Variants in AP4E1 observed in about 807,000 individuals in gnomAD.
AP4E1 encodes the protein adaptor related protein complex 4 subunit epsilon 1, also known as AP-4 complex subunit epsilon-1.
Under a neutral mutation model 128.2 loss-of-function variants are expected in AP4E1, and 56 were observed. The ratio of observed to expected loss-of-function variants is 0.44; its 90% CI spans 0.35 to 0.55. The LOEUF (loss-of-function observed/expected upper bound fraction) is 0.55, where lower values mean the gene tolerates loss of function less well. Ranked by LOEUF, AP4E1 falls within the 20% of genes least tolerant of loss-of-function variation. The pLI is 0.00. For synonymous variants in AP4E1, 484 were observed against 473.1 expected (o/e 1.02, Z -0.30); for missense variants, 1,324 against 1,307.7 (o/e 1.01, Z -0.19).
intron 14 of AP4E1, 143 bp from the exon 15 acceptor site, chr15:50,968,120 G>A: frequency 1.6e-6 from 1 of 616,434 alleles, no homozygotes; most frequent in East Asian, 3.0e-5. Flanking sequence ...ATGCCTGGCT[G>A]TGGTAGCATT....
In AP4E1 at chr15:51,002,777, T is replaced by A; in HGVS notation, c.*115T>A. The A allele has an allele frequency of 7.6e-7, 1 of 1,313,256 alleles. No homozygotes were observed. The allele number at this position is 1,313,256 out of a possible 1,614,324, so 81.4% of individuals were successfully genotyped here. A position where few individuals can be genotyped will look rare whatever the true frequency, so the allele number is the denominator to read the frequency against. ...TAATGAAAATGGGGATTATTACAAG[T>A]GTGGTTTATATGTTTTCTTTGTGAT... On this transcript the variant is annotated 3_prime_UTR_variant, in exon 21 of 21. Coordinates refer to ENST00000261842, the MANE Select transcript of AP4E1 (RefSeq NM_007347.5).
intron 15 of AP4E1, among the ~76,000 whole-genome samples, chr15:50,978,033 A>G (rs934657553): frequency 6.6e-6 from 1 of 152,174 alleles, no homozygotes; most frequent in African/African-American, 2.4e-5. Context: ...CTGATTTCAG[A>G]TTTCTGTAAT....
In AP4E1 at chr15:50,958,842, CAG is replaced by C. The variant is rs749765396; in HGVS notation, c.1851+51_1851+52del. 3.8e-6 allele frequency: 6 copies of C among 1,561,502 alleles called. No homozygotes were observed. In the South Asian group the frequency reaches 6.7e-5, roughly 17 times the overall value. On this transcript the variant is annotated intron_variant, in intron 14 of 20. Coordinates refer to ENST00000261842, the MANE Select transcript of AP4E1 (RefSeq NM_007347.5). ...TTTTAAAAATTGCGTTGTCATTAAA[CAG>C]AGTAATTCTTGCATTTGTGACATAT...
rs2141126314 is a variant in AP4E1 at position 50,912,100 on chromosome 15, A to G, written c.173A>G (p.Gln58Arg). ...CAGGAAGAAGAAAAATTAATCCAGCAGGAACTGAGTAGTCTGAAAGCGACT... is the reference window on the plus strand; with the variant it reads ...CAGGAAGAAGAAAAATTAATCCAGCGGGAACTGAGTAGTCTGAAAGCGACT... ...SKHEEEKLIQ[Q>R]ELSSLKATVS... Residue 58 changes from glutamine to arginine, a missense_variant, in exon 2 of 21, where the codon CAG (glutamine) becomes CGG (arginine). Gln to Arg is a conservative substitution (Grantham distance 43). Transcript: ENST00000261842. 6.2e-7 allele frequency: 1 copy of G among 1,614,160 alleles called. No individual in the cohort carries two copies. Among genetic ancestry groups the G allele is most frequent in the Non-Finnish European group, 8.5e-7 (1 of 1,179,992 alleles).
At chr15:50,945,363 G>A (rs2064044404) in intron 10 of AP4E1, 4 of 779,268 alleles carry the variant, frequency 5.1e-6, no homozygotes, top group Admixed American at 1.7e-5. Context: ...CTTTGAAAAA[G>A]GTTATATTAG....
At chr15:50,989,473 A>C (rs1220321450) in intron 16 of AP4E1, among the ~76,000 whole-genome samples, 2 of 151,920 alleles carry the variant, frequency 1.3e-5, no homozygotes. Flanking sequence ...ATGAGTTCAA[A>C]TTCTTTTTCT....
chr15:50,920,544 C>G (rs1176437555), intron 3 of AP4E1, among the ~76,000 whole-genome samples: 2 of 151,186 alleles, frequency 1.3e-5, no homozygotes, highest in African/African-American at 4.9e-5. Flanking sequence ...GTAGCTGAGA[C>G]TACAGGTGCG....
Position 51,002,772 on chromosome 15 carries a change from A to G in AP4E1, c.*110A>G, listed in dbSNP as rs1595588425. On this transcript the variant is annotated 3_prime_UTR_variant, in exon 21 of 21. Coordinates refer to ENST00000261842, the MANE Select transcript of AP4E1 (RefSeq NM_007347.5). Reference sequence around the variant, plus strand: ...ACTTCTAATGAAAATGGGGATTATTACAAGTGTGGTTTATATGTTTTCTTT... The same window carrying G: ...ACTTCTAATGAAAATGGGGATTATTGCAAGTGTGGTTTATATGTTTTCTTT... The G allele has an allele frequency of 3.0e-6, 4 of 1,339,078 alleles. No homozygotes were observed. The highest frequency in any genetic ancestry group is 4.9e-5 in the East Asian group (2 of 40,946). The allele number at this position is 1,339,078 out of a possible 1,614,324, so 82.9% of individuals were successfully genotyped here.
At chr15:50,943,890 G>A (rs2064021864) in intron 10 of AP4E1, among the ~76,000 whole-genome samples, 1 of 152,118 alleles carries the variant, frequency 6.6e-6, no homozygotes, top group African/African-American at 2.4e-5. Flanking sequence ...AGAAAGGCAT[G>A]CAATTTAAAA....
chr15:50,908,106 C>A (rs552323041), upstream of AP4E1, among the ~76,000 whole-genome samples: 113 of 152,328 alleles, frequency 7.4e-4, no homozygotes, highest in African/African-American at 2.6e-3. Flanking sequence ...GCCCACCTCC[C>A]CAAATCCCAG....
chr15:50,992,362 A>G (rs561239175), intron 16 of AP4E1, among the ~76,000 whole-genome samples: 1 of 152,058 alleles, frequency 6.6e-6, no homozygotes, highest in Non-Finnish European at 1.5e-5. Context: ...AACCCTCTCC[A>G]TTTTTCAAGG....
intron 10 of AP4E1, among the ~76,000 whole-genome samples, chr15:50,946,174 C>A (rs2064059510): frequency 6.6e-6 from 1 of 151,968 alleles, no homozygotes; most frequent in South Asian, 2.1e-4. Context: ...GACTATCTAA[C>A]TATTTTATCC....
intron 1 of AP4E1, among the ~76,000 whole-genome samples, chr15:50,911,543 TAC>T (rs1198937959): frequency 2.1e-4 from 31 of 149,130 alleles, no homozygotes; most frequent in African/African-American, 6.9e-4. Context: ...AGTGCAGTGG[TAC>T]GATCTCGGCT....
chr15:50,974,096 G>C (rs2064519233), intron 15 of AP4E1, among the ~76,000 whole-genome samples: 1 of 151,680 alleles, frequency 6.6e-6, no homozygotes, highest in Non-Finnish European at 1.5e-5. Context: ...CTCCTGGGTA[G>C]CTGGGACTAC....
intron 14 of AP4E1, among the ~76,000 whole-genome samples, chr15:50,961,783 G>A (rs1477234038): frequency 2.0e-5 from 3 of 151,742 alleles, no homozygotes; most frequent in Non-Finnish European, 4.4e-5. Flanking sequence ...GAAATAAAGG[G>A]ATCTAAACTG....
rs34400855 is a variant in AP4E1, at chr15:50,995,399, CTTTT to C, written c.2346+1787_2346+1790del. 4.9e-3 allele frequency among the ~76,000 whole-genome samples: 668 copies of C among 136,740 alleles called. 8 individuals are homozygous for C. Among genetic ancestry groups the C allele is most frequent in the African/African-American group, 0.017 (627 of 37,226 alleles). The allele number at this position is 136,740 out of a possible 152,430, so 89.7% of individuals were successfully genotyped here. A position where few individuals can be genotyped will look rare whatever the true frequency, so the allele number is the denominator to read the frequency against. On this transcript the variant is annotated intron_variant, in intron 17 of 20. Coordinates refer to ENST00000261842, the MANE Select transcript of AP4E1 (RefSeq NM_007347.5). ...TTTCACCCTTGGCTTATTTCACCTT[CTTTT>C]TTTTTTTTTTTTGAAACAGAGTCTT...
intron 2 of AP4E1, among the ~76,000 whole-genome samples, chr15:50,913,307 G>T (rs541622380): frequency 6.6e-6 from 1 of 152,280 alleles, no homozygotes; most frequent in South Asian, 2.1e-4. Flanking sequence ...ATGCTTCATA[G>T]TACTAGATAG....
At chr15:50,993,187 A>G (rs2064826039) in intron 16 of AP4E1, among the ~76,000 whole-genome samples, 183 bp from the exon 17 acceptor site, 1 of 152,184 alleles carries the variant, frequency 6.6e-6, no homozygotes, top group Admixed American at 6.5e-5. Context: ...TGGAGGGTAG[A>G]GGGATGTTGG....
At chr15:50,983,577 T>C (rs1380862942) in intron 15 of AP4E1, among the ~76,000 whole-genome samples, 1 of 152,174 alleles carries the variant, frequency 6.6e-6, no homozygotes, top group Non-Finnish European at 1.5e-5. Context: ...TGTGTTAACC[T>C]TAGGGAGATT....
Sources: gnomAD v4.1 joint callset for allele counts (sites outside exome capture counted in the v4.1 genomes callset) on GRCh38, gnomAD v4.1.1 for gene constraint, MANE v1.5 for transcripts, NCBI Gene and HGNC (gene_info 2026-07-23, HGNC 2026-07-21) for gene names.